Variants in CIBAR1 observed in about 807,000 individuals in gnomAD.
The protein encoded by CIBAR1 is CBY1 interacting BAR domain containing 1, also known as CBY1-interacting BAR domain-containing protein 1.
CIBAR1 carries 25 observed loss-of-function variants against 44.0 expected under a neutral mutation model. That is an observed-to-expected ratio of 0.57 (90% CI 0.41 to 0.79). The LOEUF (loss-of-function observed/expected upper bound fraction) is 0.79. Ranked by LOEUF, CIBAR1 falls within the 30% of genes least tolerant of loss-of-function variation. The pLI is 0.00. For synonymous variants in CIBAR1, 115 were observed against 119.0 expected, an observed-to-expected ratio of 0.97 and a Z score of 0.22; for missense variants, 278 against 344.8, an observed-to-expected ratio of 0.81 and a Z score of 1.53.
chr8:93,726,317 T>A, intron 7 of CIBAR1, 77 bp from the exon 8 acceptor site: 1 of 1,315,810 alleles, frequency 7.6e-7, no homozygotes, highest in Non-Finnish European at 1.0e-6. Flanking sequence ...AAAAAAAATC[T>A]TAACTAAGGA....
intron 8 of CIBAR1, chr8:93,726,852 T>A (rs1211238335): frequency 5.8e-6 from 2 of 347,184 alleles, no homozygotes; most frequent in East Asian, 1.6e-4. Flanking sequence ...CAAAACTTAG[T>A]GGATCTCATT....
intron 7 of CIBAR1, among the ~76,000 whole-genome samples, chr8:93,723,978 T>C (rs1350296419): frequency 1.3e-5 from 2 of 152,178 alleles, no homozygotes; most frequent in African/African-American, 4.8e-5. Context: ...ACACTTGTAA[T>C]CTCAGCATTA....
intron 6 of CIBAR1, among the ~76,000 whole-genome samples, chr8:93,711,496 A>G (rs181732269): frequency 2.0e-5 from 3 of 152,316 alleles, no homozygotes; most frequent in African/African-American, 7.2e-5. Context: ...ATTGCTACCC[A>G]CAGAAGAACA....
chr8:93,723,483 A>G (rs1811351794), intron 7 of CIBAR1, among the ~76,000 whole-genome samples: 1 of 152,112 alleles, frequency 6.6e-6, no homozygotes, highest in Non-Finnish European at 1.5e-5. Flanking sequence ...AGGAATGTGT[A>G]GCCACCCCCT....
At chr8:93,700,997 G>C in intron 1 of CIBAR1, 14 of 1,411,640 alleles carry the variant, frequency 9.9e-6, no homozygotes, top group Non-Finnish European at 1.2e-5. Flanking sequence ...CACCTCCCCA[G>C]TTAAGGCCAG....
chr8:93,726,766 T>C (rs754200327), intron 8 of CIBAR1: 2 of 431,946 alleles, frequency 4.6e-6, no homozygotes, highest in East Asian at 1.0e-4. Context: ...GACAAAAGAA[T>C]GCTAATGCAG....
At chr8:93,700,820 T>G in intron 1 of CIBAR1, 147 bp downstream of exon 1, 1 of 1,322,846 alleles carries the variant, frequency 7.6e-7, no homozygotes. Flanking sequence ...TGGGGCCTAA[T>G]TCCTTGGGCT....
intron 4 of CIBAR1, chr8:93,707,239 G>A: frequency 2.3e-6 from 1 of 433,108 alleles, no homozygotes; most frequent in Non-Finnish European, 4.6e-6. Context: ...AGAAATATTA[G>A]AAATCTATAT....
chr8:93,704,561 T>G (rs1277711718), intron 3 of CIBAR1, among the ~76,000 whole-genome samples: 1 of 152,246 alleles, frequency 6.6e-6, no homozygotes, highest in Non-Finnish European at 1.5e-5. Flanking sequence ...GCCCTTGATT[T>G]ATGTGCGATA....
intron 6 of CIBAR1, among the ~76,000 whole-genome samples, chr8:93,712,713 A>T (rs2130327147): frequency 6.6e-6 from 1 of 151,840 alleles, no homozygotes; most frequent in East Asian, 1.9e-4. Flanking sequence ...TATTCATCAG[A>T]CTTCTTGATT....
chr8:93,723,060 T>A (rs140107044), intron 7 of CIBAR1, among the ~76,000 whole-genome samples: 1 of 152,296 alleles, frequency 6.6e-6, no homozygotes. Flanking sequence ...GCAGTGGCGC[T>A]ATCTCCACTC....
intron 6 of CIBAR1, chr8:93,715,977 C>T (rs1811021129): frequency 6.6e-6 from 1 of 152,108 alleles, no homozygotes; most frequent in African/African-American, 2.4e-5. Flanking sequence ...AACTTCTGTC[C>T]ACAAAGGTTA....
chr8:93,711,266 G>A (rs956915398), intron 6 of CIBAR1, among the ~76,000 whole-genome samples: 1 of 152,064 alleles, frequency 6.6e-6, no homozygotes, highest in African/African-American at 2.4e-5. Flanking sequence ...CTTTAAATAT[G>A]TTTGTTTTTA....
In CIBAR1 at chr8:93,730,842, TATTC is replaced by T. The variant is rs1369093893; in HGVS notation, c.*2548_*2551del. On this transcript the variant is annotated 3_prime_UTR_variant, in exon 9 of 9. Transcript: ENST00000518322. ...TGATACATTATAGGGTAAAAGGAAA[TATTC>T]ATATAAATTAATTTAAAAATCAAAA... is the stretch of plus-strand genomic sequence containing the variant. 2 of 152,118 alleles carry T rather than the reference TATTC, an allele frequency of 1.3e-5. No individual in the cohort carries two copies. The highest frequency in any genetic ancestry group is 4.8e-5 in the African/African-American group (2 of 41,414). The allele number at this position is 152,118 out of a possible 1,614,324, so 9.4% of individuals were successfully genotyped here.
intron 6 of CIBAR1, among the ~76,000 whole-genome samples, chr8:93,712,687 C>T (rs1325265277): frequency 6.6e-6 from 1 of 152,208 alleles, no homozygotes; most frequent in Admixed American, 6.5e-5. Flanking sequence ...AACTTCTCTG[C>T]ATCCTCACTA....
At chr8:93,721,398 G>A (rs1479432005) in intron 7 of CIBAR1, among the ~76,000 whole-genome samples, 1 of 152,092 alleles carries the variant, frequency 6.6e-6, no homozygotes, top group East Asian at 1.9e-4. Context: ...TCATCCCAGA[G>A]GTCCTAGATA....
At chr8:93,718,635 T>G in intron 6 of CIBAR1, 40 bp from the exon 7 acceptor site, 3 of 1,193,336 alleles carry the variant, frequency 2.5e-6, no homozygotes, top group South Asian at 3.0e-5. Context: ...ATAAAGAAAT[T>G]TAAATCATTG....
chr8:93,724,671 GCTAAT>G, intron 7 of CIBAR1: 1 of 1,175,604 alleles, frequency 8.5e-7, no homozygotes, highest in Non-Finnish European at 1.1e-6. Flanking sequence ...CATTGTAATA[GCTAAT>G]CTAGAGCTAC....
intron 7 of CIBAR1, among the ~76,000 whole-genome samples, chr8:93,721,964 C>G (rs2130368464): frequency 6.6e-6 from 1 of 152,172 alleles, no homozygotes; most frequent in South Asian, 2.1e-4. Flanking sequence ...ATACCAAGGT[C>G]CTGAGGCAGG....
Sources: gnomAD v4.1 joint callset for allele counts (sites outside exome capture counted in the v4.1 genomes callset) on GRCh38, gnomAD v4.1.1 for gene constraint, MANE v1.5 for transcripts, NCBI Gene and HGNC (gene_info 2026-07-23, HGNC 2026-07-21) for gene names.